CDH4: variants seen among roughly 807,000 people sequenced by gnomAD.
CDH4 encodes the protein cadherin-4.
In CDH4, 33 loss-of-function variants were observed where a neutral mutation model predicts 86.0. That is an observed-to-expected ratio of 0.38 (90% confidence interval 0.29 to 0.51). The LOEUF (loss-of-function observed/expected upper bound fraction) is 0.51. Ranked by LOEUF, CDH4 falls within the 20% of genes least tolerant of loss-of-function variation. The pLI, the probability that CDH4 is intolerant of heterozygous loss-of-function variation, is 0.86. For synonymous variants in CDH4, 555 were observed against 549.4 expected, an observed-to-expected ratio of 1.01 and a Z score of -0.14; for missense variants, 1,114 against 1,307.4, an observed-to-expected ratio of 0.85 and a Z score of 2.28.
intron 4 of CDH4, among the ~76,000 whole-genome samples, chr20:61,836,905 G>A (rs1034424308): frequency 2.0e-5 from 3 of 152,208 alleles, no homozygotes; most frequent in Non-Finnish European, 4.4e-5. Flanking sequence ...TAAAAGTGGG[G>A]GTAGGGGGTC....
rs77129214 is a variant in CDH4, at chr20:61,751,119, A to C, written c.396+7330A>C. Among the ~76,000 whole-genome samples, 7 of 152,336 alleles carry C rather than the reference A, an allele frequency of 4.6e-5. No individual in the cohort carries two copies. In the East Asian group the frequency reaches 1.4e-3, roughly 29 times the overall value. On this transcript the variant is annotated intron_variant, in intron 3 of 15. Transcript: ENST00000614565. ...TTCGGGAAGAGTAAAGAGCTGACTT[A>C]AAATTTTTTAATGGAAATGGAAAGG...
chr20:61,442,839 T>C (rs918885074), intron 2 of CDH4, among the ~76,000 whole-genome samples: 6 of 152,252 alleles, frequency 3.9e-5, no homozygotes, highest in African/African-American at 1.4e-4. Context: ...CTGATCCTTT[T>C]TCTGCAGTCC....
chr20:61,378,601 T>G (rs922182876), intron 2 of CDH4, among the ~76,000 whole-genome samples: 1 of 152,258 alleles, frequency 6.6e-6, no homozygotes, highest in East Asian at 1.9e-4. Context: ...TGTCATTGGG[T>G]TTAGGGCCCA....
intron 8 of CDH4, among the ~76,000 whole-genome samples, chr20:61,898,895 T>C (rs1412997008): frequency 6.6e-6 from 1 of 152,150 alleles, no homozygotes; most frequent in Non-Finnish European, 1.5e-5. Context: ...GCAGACAAGG[T>C]TCCAGCTTTA....
chr20:61,349,984 C>T (rs540087659), intron 2 of CDH4, among the ~76,000 whole-genome samples: 2 of 152,300 alleles, frequency 1.3e-5, no homozygotes, highest in East Asian at 1.9e-4. Context: ...TGCCCCTGCC[C>T]ACTGGGACAG....
chr20:61,375,776 TA>T (rs2084865614), intron 2 of CDH4, among the ~76,000 whole-genome samples: 1 of 145,510 alleles, frequency 6.9e-6, no homozygotes, highest in Non-Finnish European at 1.5e-5. Context: ...GTGGTGGTCA[TA>T]GCACTGGTGG....
At position 61,883,148 on chromosome 20, in the gene CDH4, C is replaced by T. The variant is rs1256254252; in HGVS notation, c.1050+9248C>T. 7.4e-5 allele frequency among the ~76,000 whole-genome samples: 11 copies of T among 148,822 alleles called. No individual in the cohort carries two copies. In the East Asian group the frequency reaches 8.1e-4, roughly 11 times the overall value. On this transcript the variant is annotated intron_variant, in intron 7 of 15. Coordinates refer to ENST00000614565, the MANE Select transcript of CDH4 (RefSeq NM_001794.5). ...GGGCCTTCTCGCTGGCTGCTCCCCC[C>T]GCCTACAGCATTCCTCCCGAGACCT...
At chr20:61,295,566 G>A (rs948687742) in intron 2 of CDH4, among the ~76,000 whole-genome samples, 1 of 152,078 alleles carries the variant, frequency 6.6e-6, no homozygotes, top group African/African-American at 2.4e-5. Context: ...TATCAGTATC[G>A]AATAACTCCA....
intron 2 of CDH4, among the ~76,000 whole-genome samples, chr20:61,616,111 G>T (rs1432342743): frequency 6.6e-6 from 1 of 152,244 alleles, no homozygotes; most frequent in Non-Finnish European, 1.5e-5. Flanking sequence ...AGATCACAAA[G>T]CTCAATCAGA....
At chr20:61,659,063 T>C (rs749061204) in intron 2 of CDH4, among the ~76,000 whole-genome samples, 17 of 152,112 alleles carry the variant, frequency 1.1e-4, no homozygotes, top group Non-Finnish European at 2.4e-4. Flanking sequence ...TAGCTCCCAA[T>C]CAGTCTAACA....
chr20:61,530,118 C>T (rs954220845), intron 2 of CDH4, among the ~76,000 whole-genome samples: 2 of 152,004 alleles, frequency 1.3e-5, no homozygotes, highest in South Asian at 2.1e-4. Flanking sequence ...CTACAACCTC[C>T]GCCTCCCAGG....
chr20:61,259,041 G>A (rs925994472), intron 2 of CDH4, among the ~76,000 whole-genome samples: 56 of 152,166 alleles, frequency 3.7e-4, no homozygotes, highest in Non-Finnish European at 1.3e-4. Context: ...CAAATTGCTC[G>A]TCTCAGAACA....
intron 2 of CDH4, among the ~76,000 whole-genome samples, chr20:61,699,714 G>A (rs1289233549): frequency 2.0e-5 from 3 of 152,188 alleles, no homozygotes; most frequent in Admixed American, 2.0e-4. Context: ...ACAAATTAGA[G>A]GGGAAGAAAG....
chr20:61,271,170 T>G (rs1237426337), intron 2 of CDH4, among the ~76,000 whole-genome samples: 1 of 152,170 alleles, frequency 6.6e-6, no homozygotes, highest in Non-Finnish European at 1.5e-5. Context: ...AGGGATGGAC[T>G]GGGGGGCTGG....
chr20:61,642,918 T>C (rs2087026252), intron 2 of CDH4, among the ~76,000 whole-genome samples: 1 of 152,194 alleles, frequency 6.6e-6, no homozygotes, highest in Non-Finnish European at 1.5e-5. Context: ...CTTTCCCTTT[T>C]AAGGATCCTT....
rs1373438917 is a variant in CDH4, at chr20:61,269,218, G to A, written c.169+14281G>A. Among the ~76,000 whole-genome samples the A allele has an allele frequency of 6.6e-6, 1 of 152,198 alleles. No homozygotes were observed. The highest frequency in any genetic ancestry group is 2.4e-5 in the African/African-American group (1 of 41,460). On this transcript the variant is annotated intron_variant, in intron 2 of 15. Transcript: ENST00000614565. This position sits in a 1 kb window ranked among gnomAD's most constrained non-coding sequence, Gnocchi z 5.3. ...ATGTTACTAACCCTCCTTTCACAGA[G>A]TTGGGGTGCTGACATAGGACAGTTT...
chr20:61,811,009 C>G lies in CDH4; in HGVS notation c.577-33659C>G, dbSNP rs922849261. 6.6e-6 allele frequency among the ~76,000 whole-genome samples: 1 copy of G among 152,218 alleles called. No homozygotes were observed. Among genetic ancestry groups the G allele is most frequent in the Non-Finnish European group, 1.5e-5 (1 of 68,054 alleles). ...GCTAGAAAGGAATCAGTCAAACGAA[C>G]TCATGGCTCTTCATCCCCTGCAAAA... is the stretch of plus-strand genomic sequence containing the variant. On this transcript the variant is annotated intron_variant, in intron 4 of 15. Coordinates refer to ENST00000614565, the MANE Select transcript of CDH4 (RefSeq NM_001794.5). The surrounding 1 kb of genome is among the most constrained non-coding windows in gnomAD (Gnocchi z 4.4).
chr20:61,923,817 C>A, intron 10 of CDH4, 113 bp downstream of exon 10: 4 of 1,345,104 alleles, frequency 3.0e-6, no homozygotes, highest in South Asian at 1.4e-5. Context: ...GATGGGTGGT[C>A]GGGGGCATCT....
chr20:61,924,983 G>A (rs2055028794), intron 11 of CDH4, among the ~76,000 whole-genome samples: 1 of 152,198 alleles, frequency 6.6e-6, no homozygotes, highest in African/African-American at 2.4e-5. Context: ...AGCCCCGGGG[G>A]TGCCGCCCTC....
Sources: allele counts gnomAD v4.1 joint callset (sites outside exome capture counted in the v4.1 genomes callset), GRCh38; gene constraint gnomAD v4.1.1; non-coding constraint Gnocchi (gnomAD v3.1); transcripts MANE v1.5; gene names NCBI Gene and HGNC (gene_info 2026-07-23, HGNC 2026-07-21).